Variants in MAMLD1 observed in about 807,000 individuals in gnomAD.
MAMLD1 encodes the protein mastermind like domain containing 1.
Under a neutral mutation model 45.0 loss-of-function variants are expected in MAMLD1, and 14 were observed. That is an observed-to-expected ratio of 0.31 (90% CI 0.21 to 0.49). MAMLD1 has a LOEUF of 0.49. MAMLD1 is among the 20% of genes least tolerant of loss of function. The pLI is 0.99. For synonymous variants in MAMLD1, 254 were observed against 247.8 expected (o/e 1.02, Z -0.24); for missense variants, 543 against 603.6 (o/e 0.90, Z 1.05).
intron 2 of MAMLD1, among the ~76,000 whole-genome samples, chrX:150,459,413 T>C (rs899911365): frequency 1.8e-5 from 2 of 110,978 alleles, no homozygotes; most frequent in African/African-American, 6.6e-5. Flanking sequence ...TCTCTCTTTC[T>C]CTAGCTCTGG....
intron 5 of MAMLD1, among the ~76,000 whole-genome samples, chrX:150,480,159 C>T (rs782118401): frequency 8.9e-6 from 1 of 111,853 alleles, no homozygotes; most frequent in Non-Finnish European, 1.9e-5. Context: ...TACTTTTAGC[C>T]TGTTCTGTCC....
At chrX:150,461,122 G>A (rs2036023773) in intron 2 of MAMLD1, among the ~76,000 whole-genome samples, 1 of 112,959 alleles carries the variant, frequency 8.9e-6, no homozygotes, top group African/African-American at 3.2e-5. Context: ...TGGGCTTTGT[G>A]GTGTGAAGGT....
intron 2 of MAMLD1, among the ~76,000 whole-genome samples, chrX:150,459,230 G>A (rs1557405492): frequency 1.8e-5 from 2 of 111,654 alleles, no homozygotes; most frequent in Non-Finnish European, 3.8e-5. Flanking sequence ...TCCCCCAGGA[G>A]GCCCTGGACC....
rs1267083501 is a variant in MAMLD1, at chrX:150,387,688, G to A, written c.-64+24158G>A. 2.7e-5 allele frequency among the ~76,000 whole-genome samples: 3 copies of A among 111,745 alleles called. No individual in the cohort carries two copies. The East Asian group carries it at 8.3e-4, about 31-fold the overall frequency. On this transcript the variant is annotated intron_variant, in intron 1 of 7. Transcript: ENST00000370401. ...AGTTTCTGTAGATGCTTGTTATCAA[G>A]TTCAGGATGTTCTCGTTTGTTCCTA...
chrX:150,504,505 C>G, intron 6 of MAMLD1: 1 of 623,553 alleles, frequency 1.6e-6, no homozygotes, highest in Non-Finnish European at 1.9e-6. Flanking sequence ...TTCTCTCTCT[C>G]TCAGAGTCAC....
chrX:150,465,907 C>T (rs781896891), intron 3 of MAMLD1, among the ~76,000 whole-genome samples: 1 of 112,447 alleles, frequency 8.9e-6, no homozygotes, highest in African/African-American at 3.2e-5. Context: ...ACCTTCCGCC[C>T]CTACCAGGAT....
At chrX:150,480,919 C>A (rs2036732158) in intron 5 of MAMLD1, among the ~76,000 whole-genome samples, 1 of 112,509 alleles carries the variant, frequency 8.9e-6, no homozygotes, top group Non-Finnish European at 1.9e-5. Context: ...GGCTCAGGTT[C>A]CGGCCAGCTT....
At chrX:150,439,260 AT>A (rs1272440518) in intron 1 of MAMLD1, among the ~76,000 whole-genome samples, 1 of 111,623 alleles carries the variant, frequency 9.0e-6, no homozygotes, top group African/African-American at 3.3e-5. Flanking sequence ...TAGCCATATG[AT>A]TTGCAAATGT....
intron 1 of MAMLD1, among the ~76,000 whole-genome samples, chrX:150,387,884 A>G (rs1557402093): frequency 8.9e-6 from 1 of 111,864 alleles, no homozygotes; most frequent in Non-Finnish European, 1.9e-5. Flanking sequence ...GATAAACTCC[A>G]CTTGGTCATG....
rs2036402490 is a variant in MAMLD1 at position 150,470,999 on chromosome X, C to T, written c.1426C>T (p.Gln476Ter). Residue 476 changes from glutamine (Q) to a stop codon, truncating the protein, a stop_gained, in exon 4 of 8, where the codon CAG becomes TAG. Transcript: ENST00000370401. LOFTEE classifies it high-confidence loss of function. ...PGLPQQSFTP[Q>*]CSLIRSLTPT... The stretch of plus-strand genomic sequence containing the variant: ...CTTGCCACAGCAGTCCTTCACCCCA[C>T]AGTGTTCCCTGATCCGAAGCCTCAC... 8.3e-7 allele frequency: 1 copy of T among 1,210,247 alleles called. No homozygotes were observed. Among genetic ancestry groups the T allele is most frequent in the Admixed American group, 2.2e-5 (1 of 45,835 alleles).
chrX:150,409,382 G>A (rs922362550), intron 1 of MAMLD1, among the ~76,000 whole-genome samples: 2 of 110,557 alleles, frequency 1.8e-5, no homozygotes, highest in Admixed American at 1.9e-4. Context: ...CTGGACTTGA[G>A]AAAAGTGAGG....
chrX:150,368,666 G>A (rs1254025213), intron 1 of MAMLD1, among the ~76,000 whole-genome samples: 1 of 111,746 alleles, frequency 8.9e-6, no homozygotes, highest in Non-Finnish European at 1.9e-5. Context: ...CATTGCCTAG[G>A]TTTTCTTCTA....
chrX:150,425,649 C>T (rs183974631), intron 1 of MAMLD1, among the ~76,000 whole-genome samples: 13 of 111,779 alleles, frequency 1.2e-4, no homozygotes, highest in East Asian at 5.6e-4. Flanking sequence ...CAGATCCATT[C>T]GGGAGATCAT....
chrX:150,509,539 C>A (rs1185267152), intron 6 of MAMLD1: 1 of 157,756 alleles, frequency 6.3e-6, no homozygotes, highest in Admixed American at 7.7e-5. Flanking sequence ...TATAGTCTGG[C>A]CAAGGCAGAG....
rs371528935 is a variant in MAMLD1 at position 150,481,945 on chromosome X, AAAAG to A, written c.2040+8159_2040+8162del. 6.8e-3 allele frequency among the ~76,000 whole-genome samples: 648 copies of A among 95,778 alleles called. 15 individuals are homozygous for A. Among genetic ancestry groups the A allele is most frequent in the African/African-American group, 0.027 (596 of 21,763 alleles). The allele number at this position is 95,778 out of a possible 115,157, so 83.2% of individuals were successfully genotyped here. A position where few individuals can be genotyped will look rare whatever the true frequency, so the allele number is the denominator to read the frequency against. ...GACAGAGAAAGTAAGAAAGAAAGAA[AAAAG>A]AAAGAAAGAAAGAAAAAAGAAAGAA... is the stretch of plus-strand genomic sequence containing the variant. On this transcript the variant is annotated intron_variant, in intron 5 of 7. Coordinates refer to ENST00000370401, the MANE Select transcript of MAMLD1 (RefSeq NM_005491.5).
At chrX:150,429,928 T>C (rs2034858683) in intron 1 of MAMLD1, among the ~76,000 whole-genome samples, 1 of 110,718 alleles carries the variant, frequency 9.0e-6, no homozygotes, top group Admixed American at 9.6e-5. Context: ...TCTTTGCATG[T>C]GTTTACTTGC....
At chrX:150,403,913 A>AAAAGAAAGAAGAAAGAG (rs2033890055) in intron 1 of MAMLD1, among the ~76,000 whole-genome samples, 1 of 95,335 alleles carries the variant, frequency 1.0e-5, no homozygotes, top group Non-Finnish European at 2.1e-5. Flanking sequence ...AGAAGAAAGA[A>AAAAGAAAGAAGAAAGAG]AAAGAAAGAA....
At chrX:150,425,599 G>A (rs2034676594) in intron 1 of MAMLD1, among the ~76,000 whole-genome samples, 1 of 111,934 alleles carries the variant, frequency 8.9e-6, no homozygotes, top group Non-Finnish European at 1.9e-5. Context: ...CCTTCAGAGA[G>A]TTCTAGTCCA....
At chrX:150,486,945 T>C (rs893680338) in intron 5 of MAMLD1, among the ~76,000 whole-genome samples, 2 of 111,857 alleles carry the variant, frequency 1.8e-5, no homozygotes, top group Non-Finnish European at 3.8e-5. Flanking sequence ...AATGAGAGGA[T>C]TGGATTAAAT....
Sources: gnomAD v4.1 joint callset for allele counts (sites outside exome capture counted in the v4.1 genomes callset) on GRCh38, gnomAD v4.1.1 for gene constraint, MANE v1.5 for transcripts, NCBI Gene and HGNC (gene_info 2026-07-23, HGNC 2026-07-21) for gene names.